The following VEPH1 variants were observed in gnomAD, a reference collection of about 807,000 sequenced individuals.
VEPH1 encodes ventricular zone expressed PH domain containing 1.
VEPH1 carries 80 observed loss-of-function variants against 85.2 expected under a neutral mutation model. The observed-to-expected ratio is 0.94, with a 90% confidence interval of 0.78 to 1.13. VEPH1 has a LOEUF of 1.13. Ranked by LOEUF, VEPH1 falls within the 50% of genes most tolerant of loss-of-function variation. The pLI is 0.00. For missense variants in VEPH1, 955 were observed against 980.5 expected (o/e 0.97, Z 0.35); for synonymous variants, 297 against 348.0 (o/e 0.85, Z 1.63).
intron 13 of VEPH1, among the ~76,000 whole-genome samples, chr3:157,264,323 C>T (rs541264658): frequency 1.3e-5 from 2 of 152,294 alleles, no homozygotes; most frequent in East Asian, 3.9e-4. Flanking sequence ...CCTTAATTTT[C>T]TGGCCTTAGG....
At chr3:157,282,641 G>A (rs1000522435) in intron 12 of VEPH1, among the ~76,000 whole-genome samples, 13 of 152,184 alleles carry the variant, frequency 8.5e-5, no homozygotes, top group Admixed American at 8.5e-4. Flanking sequence ...CGAGAAATGA[G>A]TGAAAGTCAT....
At chr3:157,397,629 C>G (rs1303927941) in intron 6 of VEPH1, among the ~76,000 whole-genome samples, 2 of 151,628 alleles carry the variant, frequency 1.3e-5, no homozygotes, top group Non-Finnish European at 1.5e-5. Flanking sequence ...TTGAAGAGGG[C>G]CTTCACTTCC....
intron 2 of VEPH1, among the ~76,000 whole-genome samples, chr3:157,483,468 A>G (rs1256120574): frequency 6.6e-6 from 1 of 152,214 alleles, no homozygotes; most frequent in Non-Finnish European, 1.5e-5. Context: ...TTCAGGTAAG[A>G]AATTATTGAC....
chr3:157,320,371 T>C (rs1338752829), intron 9 of VEPH1, among the ~76,000 whole-genome samples: 3 of 152,094 alleles, frequency 2.0e-5, no homozygotes, highest in Non-Finnish European at 4.4e-5. Flanking sequence ...CTTTGAAAAA[T>C]GATCAAGATT....
At chr3:157,303,590 G>A (rs1056309421) in intron 11 of VEPH1, among the ~76,000 whole-genome samples, 1 of 152,070 alleles carries the variant, frequency 6.6e-6, no homozygotes, top group East Asian at 1.9e-4. Flanking sequence ...CCACTTTCCA[G>A]CCAGCTCCCT....
intron 6 of VEPH1, among the ~76,000 whole-genome samples, chr3:157,397,237 T>C (rs1359620715): frequency 6.6e-6 from 1 of 152,132 alleles, no homozygotes; most frequent in African/African-American, 2.4e-5. Context: ...GGTCAGATGG[T>C]TGTAGATGCG....
At chr3:157,483,580 T>TA in intron 2 of VEPH1, among the ~76,000 whole-genome samples, 1 of 152,170 alleles carries the variant, frequency 6.6e-6, no homozygotes, top group East Asian at 1.9e-4. Context: ...ATTTTGTTTT[T>TA]AAAAAAGAAA....
chr3:157,421,257 A>C (rs1180864687), intron 5 of VEPH1, among the ~76,000 whole-genome samples: 1 of 152,004 alleles, frequency 6.6e-6, no homozygotes, highest in East Asian at 1.9e-4. Flanking sequence ...TTTTTTTTTC[A>C]AGGGCCAACT....
chr3:157,323,995 ATTAC>A (rs1721627164), intron 9 of VEPH1, among the ~76,000 whole-genome samples: 2 of 152,100 alleles, frequency 1.3e-5, no homozygotes, highest in Admixed American at 1.3e-4. Flanking sequence ...ATATTTATGT[ATTAC>A]TTACATAATT....
intron 6 of VEPH1, among the ~76,000 whole-genome samples, chr3:157,402,636 G>C (rs948502314): frequency 6.6e-6 from 1 of 152,118 alleles, no homozygotes; most frequent in African/African-American, 2.4e-5. Flanking sequence ...GATCTATACT[G>C]CACTGAAGGT....
At chr3:157,299,732 G>A (rs1718568540) in intron 11 of VEPH1, among the ~76,000 whole-genome samples, 1 of 152,056 alleles carries the variant, frequency 6.6e-6, no homozygotes, top group Admixed American at 6.5e-5. Flanking sequence ...CCTATGAGAG[G>A]CACAAAGACA....
At chr3:157,327,553 G>A (rs1011279836) in intron 9 of VEPH1, among the ~76,000 whole-genome samples, 4 of 152,160 alleles carry the variant, frequency 2.6e-5, no homozygotes. Flanking sequence ...AGACGACTCA[G>A]GTGGAGAAAG....
intron 9 of VEPH1, among the ~76,000 whole-genome samples, chr3:157,335,168 G>C (rs1722846900): frequency 6.6e-6 from 1 of 152,066 alleles, no homozygotes. Context: ...GAAATTGGGA[G>C]GTGTTTTTTT....
chr3:157,490,061 CAT>C (rs1487767061), intron 2 of VEPH1, among the ~76,000 whole-genome samples: 7 of 151,728 alleles, frequency 4.6e-5, no homozygotes, highest in Non-Finnish European at 8.8e-5. Flanking sequence ...CATTTAAAAA[CAT>C]ATAAATAAAG....
intron 12 of VEPH1, among the ~76,000 whole-genome samples, chr3:157,272,730 T>G (rs1405908500): frequency 6.6e-6 from 1 of 152,170 alleles, no homozygotes; most frequent in African/African-American, 2.4e-5. Flanking sequence ...CCCAAAGTTC[T>G]GGGATTACAG....
intron 9 of VEPH1, among the ~76,000 whole-genome samples, chr3:157,356,174 G>A (rs946508217): frequency 5.3e-5 from 8 of 151,840 alleles, no homozygotes; most frequent in African/African-American, 1.9e-4. Context: ...TGGGATTATG[G>A]GCATGAGCCA....
chr3:157,388,783 A>G (rs1266893728), intron 6 of VEPH1, among the ~76,000 whole-genome samples: 1 of 152,194 alleles, frequency 6.6e-6, no homozygotes, highest in African/African-American at 2.4e-5. Context: ...TTTACATTGT[A>G]TTAGGTATTA....
At chr3:157,493,191 T>C (rs1367501203) in intron 2 of VEPH1, 2 of 452,930 alleles carry the variant, frequency 4.4e-6, no homozygotes, top group South Asian at 1.6e-5. Flanking sequence ...ACCCACCATA[T>C]TCGCATCATT....
intron 4 of VEPH1, chr3:157,437,701 G>A: frequency 2.6e-6 from 4 of 1,531,904 alleles, no homozygotes; most frequent in Non-Finnish European, 3.5e-6. Flanking sequence ...CGCGCCGGGG[G>A]CTCCCGCAGA....
Sources: gnomAD v4.1 joint callset for allele counts (sites outside exome capture counted in the v4.1 genomes callset) on GRCh38, gnomAD v4.1.1 for gene constraint, MANE v1.5 for transcripts, NCBI Gene and HGNC (gene_info 2026-07-23, HGNC 2026-07-21) for gene names.